The following KCNAB2 variants were observed in gnomAD, a reference collection of about 807,000 sequenced individuals.
KCNAB2 encodes voltage-gated potassium channel subunit beta-2.
KCNAB2 carries 29 observed loss-of-function variants against 63.6 expected under a neutral mutation model. The ratio of observed to expected loss-of-function variants is 0.46; its 90% CI spans 0.34 to 0.62. The LOEUF (loss-of-function observed/expected upper bound fraction) is 0.62, where lower values mean the gene tolerates loss of function less well. KCNAB2 is among the 20% of genes least tolerant of loss of function. The probability of loss-of-function intolerance (pLI) is 0.01; values close to 1 mark genes in which losing one functional copy is unlikely to be tolerated. For missense variants in KCNAB2, 359 were observed against 563.9 expected, an observed-to-expected ratio of 0.64 and a Z score of 3.68; for synonymous variants, 222 against 224.2, an observed-to-expected ratio of 0.99 and a Z score of 0.09.
At chr1:6,039,142 G>A (rs547497313) in intron 1 of KCNAB2, among the ~76,000 whole-genome samples, 9 of 152,316 alleles carry the variant, frequency 5.9e-5, no homozygotes, top group Non-Finnish European at 8.8e-5. Flanking sequence ...GGCTCATGGC[G>A]CTGAGAAGCA....
chr1:6,086,194 C>G lies in KCNAB2; in HGVS notation c.425+946C>G. The G allele has an allele frequency of 1.0e-6, 1 of 985,374 alleles. No individual in the cohort carries two copies. The allele number at this position is 985,374 out of a possible 1,614,324, so 61.0% of individuals were successfully genotyped here. A position where few individuals can be genotyped will look rare whatever the true frequency, so the allele number is the denominator to read the frequency against. ...GCAGTTATAAAGTTGGGCCTCCCTC[C>G]TCCCTCCCCTCGAAATGCCACTCAG... On this transcript the variant is annotated intron_variant, in intron 6 of 15. Transcript: ENST00000378083. The surrounding 1 kb of genome is among the most constrained non-coding windows in gnomAD (Gnocchi z 4.2).
rs188164706 is a variant in KCNAB2 at position 6,005,628 on chromosome 1, A to G, written c.-53+12840A>G. 9.5e-4 allele frequency among the ~76,000 whole-genome samples: 145 copies of G among 151,996 alleles called. No individual in the cohort carries two copies. The South Asian group carries it at 0.015, about 16-fold the overall frequency. ...GCTGGTGTATTTGTAGTTGGAAGGC[A>G]GCACACCCTCCTGGCTCAGAGAGAT... On this transcript the variant is annotated intron_variant, in intron 1 of 16. Coordinates refer to the KCNAB2 transcript ENST00000341524.
chr1:6,048,079 C>T (rs956449312), intron 1 of KCNAB2, among the ~76,000 whole-genome samples: 2 of 152,326 alleles, frequency 1.3e-5, no homozygotes, highest in African/African-American at 4.8e-5. Context: ...CCCTCTCTCC[C>T]CTCTCCCACT....
At chr1:6,008,250 C>T (rs897509582) in intron 1 of KCNAB2, among the ~76,000 whole-genome samples, 1 of 151,958 alleles carries the variant, frequency 6.6e-6, no homozygotes, top group East Asian at 1.9e-4. Flanking sequence ...CCCCCATCAC[C>T]CTGACAGTGG....
intron 8 of KCNAB2, among the ~76,000 whole-genome samples, chr1:6,089,457 C>T (rs947056281): frequency 3.9e-5 from 6 of 152,254 alleles, no homozygotes; most frequent in Non-Finnish European, 8.8e-5. Context: ...GCTCAGCACT[C>T]GCAGGCACCG....
intron 1 of KCNAB2, among the ~76,000 whole-genome samples, chr1:5,993,856 G>C (rs114935498): frequency 0.012 from 1,803 of 152,314 alleles, 16 homozygotes; most frequent in Non-Finnish European, 0.018. Context: ...CTACGGAGCT[G>C]AAGGCAGGGG....
intron 1 of KCNAB2, chr1:6,026,246 GCCC>G (rs1659168685): frequency 6.6e-6 from 1 of 152,306 alleles, no homozygotes; most frequent in Non-Finnish European, 1.5e-5. Context: ...CAAAGGCCAC[GCCC>G]CGACACCCCA....
At position 6,086,952 on chromosome 1, in the gene KCNAB2, A is replaced by G. The variant is rs1293202396; in HGVS notation, c.426-515A>G. 6.6e-6 allele frequency among the ~76,000 whole-genome samples: 1 copy of G among 151,088 alleles called. No homozygotes were observed. Among genetic ancestry groups the G allele is most frequent in the Non-Finnish European group, 1.5e-5 (1 of 67,848 alleles). ...CCGTCCCACACAGATTTTCTGCAAC[A>G]CGTGTCACATTCTGTAGGGAACGTT... On this transcript the variant is annotated intron_variant, in intron 6 of 15. Transcript: ENST00000378083. This position sits in a 1 kb window ranked among gnomAD's most constrained non-coding sequence, Gnocchi z 4.2.
At chr1:6,015,060 C>CT (rs1281232372) in intron 1 of KCNAB2, among the ~76,000 whole-genome samples, 1 of 111,680 alleles carries the variant, frequency 9.0e-6, no homozygotes, top group East Asian at 3.0e-4. Context: ...GAGATGGAGT[C>CT]TCACTCTGTC....
At chr1:6,068,729 G>T (rs994983617) in intron 2 of KCNAB2, among the ~76,000 whole-genome samples, 8 of 152,174 alleles carry the variant, frequency 5.3e-5, no homozygotes, top group African/African-American at 1.9e-4. Context: ...CACAGCCAGG[G>T]TGCAAGAGGG....
exon 2 of KCNAB2, chr1:6,040,546 T>G (rs1489131472): frequency 6.2e-7 from 1 of 1,611,296 alleles, no homozygotes; most frequent in Admixed American, 1.7e-5. Context: ...ACCGAGCAAG[T>G]CTGGATAAGT....
chr1:6,043,870 A>G (rs1301429701), upstream of KCNAB2, among the ~76,000 whole-genome samples: 1 of 152,206 alleles, frequency 6.6e-6, no homozygotes, highest in Non-Finnish European at 1.5e-5. Flanking sequence ...CCACGCAGCA[A>G]TCAGCATCTC....
intron 1 of KCNAB2, among the ~76,000 whole-genome samples, chr1:6,025,477 G>T (rs1169491106): frequency 6.6e-6 from 1 of 152,126 alleles, no homozygotes; most frequent in Non-Finnish European, 1.5e-5. Context: ...GCCTCCCCAA[G>T]AAGGAATGAG....
At chr1:6,051,819 A>C in intron 2 of KCNAB2, 65 bp downstream of exon 2, 9 of 1,471,762 alleles carry the variant, frequency 6.1e-6, no homozygotes, top group Non-Finnish European at 8.1e-6. Flanking sequence ...ATATGTATAA[A>C]AGGGCTGGGC....
At chr1:6,031,561 A>G (rs555826373), upstream of KCNAB2, among the ~76,000 whole-genome samples, 2 of 152,284 alleles carry the variant, frequency 1.3e-5, no homozygotes, top group Admixed American at 6.5e-5. This position sits in a 1 kb window ranked among gnomAD's most constrained non-coding sequence, Gnocchi z 4.1. Flanking sequence ...GTCCTTGCCT[A>G]GAATTATGTA....
At chr1:6,048,762 T>C (rs905305921) in intron 1 of KCNAB2, among the ~76,000 whole-genome samples, 61 of 152,132 alleles carry the variant, frequency 4.0e-4, no homozygotes, top group African/African-American at 1.4e-3. Flanking sequence ...GAAGTGAGGG[T>C]TGGCCCCCAT....
chr1:6,031,008 G>T (rs544816117), upstream of KCNAB2, among the ~76,000 whole-genome samples: 1 of 151,984 alleles, frequency 6.6e-6, no homozygotes, highest in East Asian at 1.9e-4. The surrounding 1 kb of genome is among the most constrained non-coding windows in gnomAD (Gnocchi z 4.1). Flanking sequence ...TGAGGCATTG[G>T]GTGTCAGTAA....
rs928963483 is a variant in KCNAB2, at chr1:6,062,698, G to A, written c.219-10057G>A. On this transcript the variant is annotated intron_variant, in intron 2 of 15. Transcript: ENST00000378083. ...CTGAGCTGATGTCACAAGTGACTCC[G>A]AGTTCAAAGGCAGAGAAACAGGAAA... Among the ~76,000 whole-genome samples, 7 of 152,186 alleles carry A rather than the reference G, an allele frequency of 4.6e-5. 1 individual carries two copies. The highest frequency in any genetic ancestry group is 9.7e-5 in the African/African-American group (4 of 41,436).
In KCNAB2 at chr1:6,097,309, G is replaced by A; in HGVS notation, c.1110G>A (p.Leu370=). ...LRNEGVSSVL[L]GASNADQLME... ...ATGAGGGAGTCAGCTCCGTGCTCCT[G>A]GGGGCCTCCAATGCGGACCAGCTCA... Residue 370 remains leucine (L), a synonymous_variant, in exon 15 of 16, where the codon CTG becomes CTA. Coordinates refer to ENST00000378083, the MANE Select transcript of KCNAB2 (RefSeq NM_001199862.2). 6.4e-7 allele frequency: 1 copy of A among 1,552,360 alleles called. No individual in the cohort carries two copies. Among genetic ancestry groups the A allele is most frequent in the Non-Finnish European group, 8.7e-7 (1 of 1,147,310 alleles).
Sources: gnomAD v4.1 joint callset for allele counts (sites outside exome capture counted in the v4.1 genomes callset) on GRCh38, gnomAD v4.1.1 for gene constraint, Gnocchi (gnomAD v3.1) non-coding constraint, MANE v1.5 for transcripts, NCBI Gene and HGNC (gene_info 2026-07-23, HGNC 2026-07-21) for gene names.